Variants in MARCHF8 observed in about 807,000 individuals in gnomAD.
MARCHF8 encodes the protein E3 ubiquitin-protein ligase MARCHF8.
A neutral mutation model predicts 51.6 loss-of-function variants in MARCHF8; 40 were observed. The observed-to-expected ratio is 0.77, with a 90% CI of 0.60 to 1.01. The LOEUF (loss-of-function observed/expected upper bound fraction) is 1.01, where lower values mean the gene tolerates loss of function less well. Ranked by LOEUF, MARCHF8 falls within the 50% of genes least tolerant of loss-of-function variation. The pLI, the probability that MARCHF8 is intolerant of heterozygous loss-of-function variation, is 0.00. For missense variants in MARCHF8, 685 were observed against 708.6 expected, an observed-to-expected ratio of 0.97 and a Z score of 0.38; for synonymous variants, 263 against 280.3, an observed-to-expected ratio of 0.94 and a Z score of 0.62.
chr10:45,580,397 C>T (rs1589193526), intron 1 of MARCHF8, among the ~76,000 whole-genome samples: 1 of 152,116 alleles, frequency 6.6e-6, no homozygotes, highest in Admixed American at 6.5e-5. Flanking sequence ...GAACACCTGT[C>T]CCAGTCTCCA....
chr10:45,519,310 C>T (rs763366263), intron 2 of MARCHF8, among the ~76,000 whole-genome samples: 16 of 152,270 alleles, frequency 1.1e-4, no homozygotes, highest in South Asian at 4.1e-4. Context: ...ACTAAATAAA[C>T]GCCATATCAG....
chr10:45,530,683 G>A (rs181897794), intron 2 of MARCHF8, among the ~76,000 whole-genome samples: 1 of 152,250 alleles, frequency 6.6e-6, no homozygotes, highest in East Asian at 1.9e-4. Context: ...TGAGGCAGGA[G>A]GATCATTTGA....
chr10:45,590,208 G>C (rs2044662872), intron 1 of MARCHF8, among the ~76,000 whole-genome samples: 1 of 152,168 alleles, frequency 6.6e-6, no homozygotes, highest in South Asian at 2.1e-4. Context: ...TTACATGGTA[G>C]CTAATGATGT....
chr10:45,476,668 AAAAC>A (rs538549459), intron 3 of MARCHF8, among the ~76,000 whole-genome samples: 19 of 152,348 alleles, frequency 1.2e-4, no homozygotes, highest in Middle Eastern at 3.4e-3. Flanking sequence ...TATAAAAAAA[AAAAC>A]AAACAGAAAT....
At chr10:45,516,107 G>A (rs2043613532) in intron 2 of MARCHF8, among the ~76,000 whole-genome samples, 1 of 152,110 alleles carries the variant, frequency 6.6e-6, no homozygotes, top group Non-Finnish European at 1.5e-5. Flanking sequence ...ATCACCTGAG[G>A]CTCACAATGT....
chr10:45,566,680 A>C (rs980559472), intron 1 of MARCHF8, among the ~76,000 whole-genome samples: 1 of 147,706 alleles, frequency 6.8e-6, no homozygotes. Context: ...GCTGATGAAC[A>C]CTTAGGTTGC....
At chr10:45,561,872 G>A (rs1017985845) in intron 1 of MARCHF8, among the ~76,000 whole-genome samples, 2 of 137,590 alleles carry the variant, frequency 1.5e-5, no homozygotes, top group Non-Finnish European at 3.0e-5. Flanking sequence ...CTGCACTCCA[G>A]CCTGGGCAAC....
intron 2 of MARCHF8, among the ~76,000 whole-genome samples, chr10:45,532,781 CA>C (rs983321731): frequency 5.3e-5 from 8 of 152,160 alleles, no homozygotes; most frequent in Non-Finnish European, 1.5e-5. Flanking sequence ...ATCTGGTGTC[CA>C]AATTTCACAC....
chr10:45,495,976 C>A (rs954785023), intron 2 of MARCHF8, among the ~76,000 whole-genome samples: 1 of 152,036 alleles, frequency 6.6e-6, no homozygotes, highest in African/African-American at 2.4e-5. Flanking sequence ...AAAAGATTAA[C>A]AGCTGACTTA....
intron 2 of MARCHF8, among the ~76,000 whole-genome samples, chr10:45,494,011 T>C (rs2043129626): frequency 6.6e-6 from 1 of 152,334 alleles, no homozygotes; most frequent in South Asian, 2.1e-4. Context: ...ATGTAAAAGA[T>C]GGCTGTGAGC....
intron 2 of MARCHF8, among the ~76,000 whole-genome samples, chr10:45,510,849 T>C (rs2043485629): frequency 6.6e-6 from 1 of 152,068 alleles, no homozygotes; most frequent in African/African-American, 2.4e-5. Context: ...TATGTGGAAG[T>C]GGAAGGAGGA....
chr10:45,535,617 C>A (rs2043961096), upstream of MARCHF8, among the ~76,000 whole-genome samples: 1 of 152,216 alleles, frequency 6.6e-6, no homozygotes, highest in South Asian at 2.1e-4. Flanking sequence ...CTATGCCACA[C>A]ATATTTAGGA....
chr10:45,513,647 A>G (rs528923787), intron 2 of MARCHF8, among the ~76,000 whole-genome samples: 41 of 152,182 alleles, frequency 2.7e-4, no homozygotes, highest in African/African-American at 9.9e-4. Context: ...CCACAGCTCA[A>G]GAACATCTCA....
chr10:45,471,181 C>A (rs2042682510), intron 3 of MARCHF8, among the ~76,000 whole-genome samples: 1 of 152,114 alleles, frequency 6.6e-6, no homozygotes, highest in South Asian at 2.1e-4. Context: ...ATTGCTTACG[C>A]CAAGTAGCAC....
At chr10:45,570,803 A>G (rs2044420018) in intron 1 of MARCHF8, among the ~76,000 whole-genome samples, 2 of 152,208 alleles carry the variant, frequency 1.3e-5, no homozygotes, top group Admixed American at 6.5e-5. Context: ...GTATTTCTAT[A>G]TTCCACCAAC....
At chr10:45,572,716 A>C (rs1424621576) in intron 1 of MARCHF8, among the ~76,000 whole-genome samples, 1 of 151,736 alleles carries the variant, frequency 6.6e-6, no homozygotes, top group African/African-American at 2.4e-5. Flanking sequence ...TCCCAACCCC[A>C]AGCGTCTCTG....
chr10:45,463,055 T>C, intron 5 of MARCHF8, 96 bp downstream of exon 5: 1 of 1,426,146 alleles, frequency 7.0e-7, no homozygotes, highest in East Asian at 2.5e-5. Context: ...TACAACTTCC[T>C]ATTACTTCAT....
chr10:45,566,328 C>T (rs2044363567), intron 1 of MARCHF8, among the ~76,000 whole-genome samples: 1 of 152,168 alleles, frequency 6.6e-6, no homozygotes, highest in African/African-American at 2.4e-5. Flanking sequence ...TTATTATTGA[C>T]TATAACCACT....
At chr10:45,511,641 C>A (rs1042611493) in intron 2 of MARCHF8, among the ~76,000 whole-genome samples, 17 of 152,382 alleles carry the variant, frequency 1.1e-4, no homozygotes, top group Admixed American at 8.5e-4. Flanking sequence ...AGCTCCTAAC[C>A]GCGAGTGATC....
Sources: gnomAD v4.1 joint callset for allele counts (sites outside exome capture counted in the v4.1 genomes callset) on GRCh38, gnomAD v4.1.1 for gene constraint, MANE v1.5 for transcripts, NCBI Gene and HGNC (gene_info 2026-07-23, HGNC 2026-07-21) for gene names.